The following AKAP13 variants were observed in gnomAD, a reference collection of about 807,000 sequenced individuals.
The protein encoded by AKAP13 is A-kinase anchoring protein 13.
AKAP13 carries 80 observed loss-of-function variants against 264.5 expected under a neutral mutation model. That is an observed-to-expected ratio of 0.30 (90% CI 0.25 to 0.36). The LOEUF is 0.36. Among genes scored for constraint, AKAP13 ranks in the 10% least tolerant of loss-of-function variants. The probability of loss-of-function intolerance (pLI) is 1.00; values close to 1 mark genes in which losing one functional copy is unlikely to be tolerated. For synonymous variants in AKAP13, 1,380 were observed against 1,250.2 expected, an observed-to-expected ratio of 1.10 and a Z score of -2.19; for missense variants, 3,712 against 3,435.2, an observed-to-expected ratio of 1.08 and a Z score of -2.01.
At chr15:85,533,383 A>G (rs1030752211) in intron 3 of AKAP13, among the ~76,000 whole-genome samples, 3 of 152,204 alleles carry the variant, frequency 2.0e-5, no homozygotes, top group African/African-American at 7.2e-5. Context: ...AAGGGAATTC[A>G]TATTTGCAAA....
intron 1 of AKAP13, among the ~76,000 whole-genome samples, chr15:85,465,240 C>T (rs2074685126): frequency 6.6e-6 from 1 of 151,994 alleles, no homozygotes; most frequent in Non-Finnish European, 1.5e-5. Flanking sequence ...GCGTGAGCCA[C>T]CACGCCCGGC....
At chr15:85,584,008 A>G (rs1020987770) in intron 7 of AKAP13, among the ~76,000 whole-genome samples, 1 of 152,222 alleles carries the variant, frequency 6.6e-6, no homozygotes, top group South Asian at 2.1e-4. Flanking sequence ...GTAGCCAGTC[A>G]TGAAGAAATT....
intron 1 of AKAP13, among the ~76,000 whole-genome samples, chr15:85,402,032 C>G (rs2071444572): frequency 6.6e-6 from 1 of 152,168 alleles, no homozygotes; most frequent in African/African-American, 2.4e-5. Context: ...AGTTTGCTGC[C>G]AACAACCTTG....
chr15:85,601,608 T>TTGTGTGTGTGTGTGTGTGTG (rs10574160), intron 8 of AKAP13, among the ~76,000 whole-genome samples: 2,264 of 132,006 alleles, frequency 0.017, 46 homozygotes, highest in Non-Finnish European at 0.025. Flanking sequence ...CCTGAATTCT[T>TTGTGTGTGTGTGTGTGTGTG]TGTGTGTGTG....
At chr15:85,661,054 A>G (rs914276934) in intron 12 of AKAP13, among the ~76,000 whole-genome samples, 1 of 152,106 alleles carries the variant, frequency 6.6e-6, no homozygotes, top group Non-Finnish European at 1.5e-5. Flanking sequence ...GAGTGTTTTT[A>G]TTGTCCACAA....
chr15:85,556,846 C>T (rs767102410), intron 5 of AKAP13, among the ~76,000 whole-genome samples: 1 of 152,108 alleles, frequency 6.6e-6, no homozygotes, highest in Non-Finnish European at 1.5e-5. Flanking sequence ...CAGAAGAAGC[C>T]GCCATTTCCA....
rs979445321 is a variant in AKAP13, at chr15:85,579,048, C to G, written c.980C>G (p.Pro327Arg). The part of the protein sequence containing the change: ...FLPCAPEPTD[P>R]QRLSSSEETE... The stretch of plus-strand genomic sequence containing the variant: ...CCCTGTGCACCGGAGCCCACGGACC[C>G]TCAGCGACTTTCTTCTTCTGAAGAG... The change falls in exon 7 of 37, where the codon CCT (proline) becomes CGT (arginine). Residue 327 changes from proline (P) to arginine (R), a missense_variant. Pro to Arg is a moderately radical substitution (Grantham distance 103, BLOSUM62 -2). Coordinates refer to ENST00000394518, the MANE Select transcript of AKAP13 (RefSeq NM_007200.5). 8 of 1,614,182 alleles carry G rather than the reference C, an allele frequency of 5.0e-6. No individual in the cohort carries two copies. The highest frequency in any genetic ancestry group is 5.9e-6 in the Non-Finnish European group (7 of 1,180,038).
chr15:85,579,752 A>G lies in AKAP13; in HGVS notation c.1684A>G (p.Thr562Ala). ...SLAFSNEETS[T>A]EKTAETETSR... ...TGCATTTAGTAATGAAGAAACCTCCACTGAAAAAACAGCAGAAACGGAAAC... is the reference window on the plus strand; with the variant it reads ...TGCATTTAGTAATGAAGAAACCTCCGCTGAAAAAACAGCAGAAACGGAAAC... Residue 562 changes from threonine (T) to alanine (A), a missense_variant, in exon 7 of 37, where the codon ACT becomes GCT. Thr to Ala is a moderately conservative substitution (Grantham distance 58, BLOSUM62 0). Coordinates refer to ENST00000394518, the MANE Select transcript of AKAP13 (RefSeq NM_007200.5). 1 of 1,614,240 alleles carries G rather than the reference A, an allele frequency of 6.2e-7. No homozygotes were observed. The highest frequency in any genetic ancestry group is 1.6e-4 in the Middle Eastern group (1 of 6,062).
intron 10 of AKAP13, among the ~76,000 whole-genome samples, chr15:85,646,960 T>C (rs1271942316): frequency 6.6e-6 from 1 of 152,204 alleles, no homozygotes; most frequent in Non-Finnish European, 1.5e-5. Context: ...GTTTTCTTAA[T>C]GGTAAGGAGG....
At chr15:85,609,082 A>C (rs1311885993) in intron 8 of AKAP13, among the ~76,000 whole-genome samples, 2 of 152,252 alleles carry the variant, frequency 1.3e-5, no homozygotes, top group Non-Finnish European at 2.9e-5. Context: ...TAGGATAATT[A>C]GCATATCTGT....
chr15:85,680,596 G>C (rs2084535349), intron 14 of AKAP13, among the ~76,000 whole-genome samples: 3 of 152,138 alleles, frequency 2.0e-5, no homozygotes, highest in African/African-American at 7.2e-5. Context: ...CAGGTGCAAT[G>C]GCTCACCCCT....
chr15:85,586,409 G>A (rs946933179), intron 8 of AKAP13, among the ~76,000 whole-genome samples: 10 of 152,036 alleles, frequency 6.6e-5, no homozygotes, highest in Non-Finnish European at 1.5e-5. Flanking sequence ...GTTTTGCCAT[G>A]TTGGCCAGGC....
intron 8 of AKAP13, among the ~76,000 whole-genome samples, chr15:85,604,990 A>G (rs2080256196): frequency 1.3e-5 from 2 of 152,186 alleles, no homozygotes; most frequent in African/African-American, 4.8e-5. Flanking sequence ...GGCTAGTTGG[A>G]GGGACAACTT....
chr15:85,483,037 T>C (rs2075396857), intron 1 of AKAP13, among the ~76,000 whole-genome samples: 1 of 152,232 alleles, frequency 6.6e-6, no homozygotes, highest in South Asian at 2.1e-4. Flanking sequence ...GAAACATGTT[T>C]AGAGGAGTTT....
At chr15:85,437,931 A>G (rs998552821) in intron 1 of AKAP13, among the ~76,000 whole-genome samples, 6 of 146,796 alleles carry the variant, frequency 4.1e-5, no homozygotes, top group South Asian at 2.2e-4. Flanking sequence ...CTCTCTCACC[A>G]CTCCTATTCA....
At chr15:85,440,150 A>G (rs2073570832) in intron 1 of AKAP13, among the ~76,000 whole-genome samples, 1 of 152,108 alleles carries the variant, frequency 6.6e-6, no homozygotes, top group Non-Finnish European at 1.5e-5. Flanking sequence ...GTTTGTTCAT[A>G]TAGAAGAACC....
chr15:85,399,895 T>G (rs1283157442), intron 1 of AKAP13, among the ~76,000 whole-genome samples: 2 of 152,206 alleles, frequency 1.3e-5, no homozygotes, highest in Non-Finnish European at 2.9e-5. Flanking sequence ...TGAAAGATGA[T>G]CTGTGGCCAT....
intron 8 of AKAP13, among the ~76,000 whole-genome samples, chr15:85,603,131 A>G (rs1248485497): frequency 6.6e-6 from 1 of 152,234 alleles, no homozygotes; most frequent in Non-Finnish European, 1.5e-5. Flanking sequence ...ATTATTTGTC[A>G]GTCATTCTTT....
intron 8 of AKAP13, among the ~76,000 whole-genome samples, chr15:85,606,474 A>G (rs2086186): frequency 3.3e-5 from 5 of 151,996 alleles, no homozygotes; most frequent in Non-Finnish European, 7.4e-5. Flanking sequence ...ATTTATTTAC[A>G]CAGAAGCCAT....
Sources: gnomAD v4.1 joint callset for allele counts (sites outside exome capture counted in the v4.1 genomes callset) on GRCh38, gnomAD v4.1.1 for gene constraint, MANE v1.5 for transcripts, NCBI Gene and HGNC (gene_info 2026-07-23, HGNC 2026-07-21) for gene names.